The following CYP3A7 variants were observed in gnomAD, a reference collection of about 807,000 sequenced individuals.
The protein encoded by CYP3A7 is cytochrome P450 family 3 subfamily A member 7, also known as cytochrome P450 3A7.
In CYP3A7, 45 loss-of-function variants were observed where a neutral mutation model predicts 55.2. That is an observed-to-expected ratio of 0.82 (90% CI 0.64 to 1.05). The LOEUF (loss-of-function observed/expected upper bound fraction) is 1.05. Among genes scored for constraint, CYP3A7 ranks in the 50% least tolerant of loss-of-function variants. The pLI, the probability that CYP3A7 is intolerant of heterozygous loss-of-function variation, is 0.00. For synonymous variants in CYP3A7, 180 were observed against 207.4 expected, an observed-to-expected ratio of 0.87 and a Z score of 1.13; for missense variants, 548 against 605.3, an observed-to-expected ratio of 0.91 and a Z score of 0.99.
At chr7:99,717,092 C>T in intron 6 of CYP3A7, 85 bp downstream of exon 6, 2 of 1,578,886 alleles carry the variant, frequency 1.3e-6, no homozygotes, top group South Asian at 1.1e-5. Flanking sequence ...ACTGGAATAA[C>T]CCAACAGCGG....
At chr7:99,721,791 A>G (rs1814209370) in intron 3 of CYP3A7, among the ~76,000 whole-genome samples, 1 of 152,130 alleles carries the variant, frequency 6.6e-6, no homozygotes, top group South Asian at 2.1e-4. Context: ...GTGTGATTAA[A>G]AACCTTGACA....
In CYP3A7 at chr7:99,730,354, C is replaced by T. The variant is rs190058590; in HGVS notation, c.165+705G>A. ...AATATCTGAGGTTAATAGACAACCA[C>T]TATCTCATCTCAGTTACATCCACTC... On this transcript the variant is annotated intron_variant, in intron 2 of 12. Transcript: ENST00000336374. Among the ~76,000 whole-genome samples, 16 of 152,306 alleles carry T rather than the reference C, an allele frequency of 1.1e-4. No individual in the cohort carries two copies. The East Asian group carries it at 3.1e-3, about 29-fold the overall frequency.
At chr7:99,720,556 G>C (rs780443310) in intron 3 of CYP3A7, 144 bp from the exon 4 acceptor site, 2 of 885,392 alleles carry the variant, frequency 2.3e-6, no homozygotes, top group Non-Finnish European at 3.5e-6. Context: ...TAGTTCATTA[G>C]GTATAACTCA....
Position 99,717,243 on chromosome 7 carries a change from T to A in CYP3A7, c.455A>T (p.Tyr152Phe), listed in dbSNP as rs1813993354. 6.2e-7 allele frequency: 1 copy of A among 1,613,902 alleles called. No homozygotes were observed. Among genetic ancestry groups the A allele is most frequent in the Non-Finnish European group, 8.5e-7 (1 of 1,179,836 alleles). ...LKEMVPIIAQ[Y>F]GDVLVRNLRR... is the part of the protein sequence containing the mutation. ...CAGATTTCTCACCAACACATCTCCA[T>A]ACTGGGCAATGATAGGGACCATCTA... Residue 152 changes from tyrosine to phenylalanine, a missense_variant, in exon 6 of 13, where the codon TAT becomes TTT. Physicochemically the swap from Tyr to Phe is conservative, Grantham distance 22. Coordinates refer to ENST00000336374, the MANE Select transcript of CYP3A7 (RefSeq NM_000765.5).
intron 1 of CYP3A7, among the ~76,000 whole-genome samples, chr7:99,731,946 G>A (rs1440164689): frequency 6.6e-6 from 1 of 152,146 alleles, no homozygotes; most frequent in African/African-American, 2.4e-5. Context: ...TAAGAACAAG[G>A]ACATTCCTCC....
At chr7:99,717,312 A>G (rs767931697) in intron 5 of CYP3A7, 47 bp from the exon 6 acceptor site, 45 of 1,613,532 alleles carry the variant, frequency 2.8e-5, no homozygotes, top group Non-Finnish European at 3.7e-5. Flanking sequence ...TGCAGACATA[A>G]GTCCCAGAAG....
chr7:99,719,786 CCA>C (rs912711221), intron 4 of CYP3A7, among the ~76,000 whole-genome samples: 6 of 152,026 alleles, frequency 3.9e-5, no homozygotes, highest in Non-Finnish European at 8.8e-5. Flanking sequence ...ATAGAACTAC[CCA>C]CACACTCAAG....
chr7:99,732,838 G>A (rs1037131150), intron 1 of CYP3A7, among the ~76,000 whole-genome samples: 3 of 152,132 alleles, frequency 2.0e-5, no homozygotes, highest in African/African-American at 7.2e-5. Context: ...TAATGGCCAG[G>A]TACCTTCCTG....
chr7:99,726,767 A>G (rs1022022194), intron 2 of CYP3A7, among the ~76,000 whole-genome samples: 1 of 152,176 alleles, frequency 6.6e-6, no homozygotes, highest in Non-Finnish European at 1.5e-5. Flanking sequence ...AGTCTTTTCA[A>G]CAAGATACCC....
At chr7:99,718,542 T>C (rs941549797) in intron 4 of CYP3A7, among the ~76,000 whole-genome samples, 40 of 152,208 alleles carry the variant, frequency 2.6e-4, no homozygotes, top group Non-Finnish European at 3.7e-4. Flanking sequence ...TTCCTCCATT[T>C]GATAAAGAGA....
chr7:99,733,164 C>G (rs1443378231), intron 1 of CYP3A7, among the ~76,000 whole-genome samples: 1 of 152,222 alleles, frequency 6.6e-6, no homozygotes, highest in East Asian at 1.9e-4. Context: ...TTTTCCCACT[C>G]CTGTTCCTTC....
At chr7:99,731,199 G>A in intron 1 of CYP3A7, 47 bp from the exon 2 acceptor site, 1 of 1,608,170 alleles carries the variant, frequency 6.2e-7, no homozygotes, top group Non-Finnish European at 8.5e-7. Flanking sequence ...TGACTTTATA[G>A]ATATAGGGGC....
Position 99,705,508 on chromosome 7 carries a change from C to T in CYP3A7, c.1504G>A (p.Gly502Arg), listed in dbSNP as rs756119340. 1.9e-6 allele frequency: 3 copies of T among 1,613,538 alleles called. No individual in the cohort carries two copies. The South Asian group carries it at 3.3e-5, about 18-fold the overall frequency. Residue 502 changes from glycine to arginine, a missense_variant, in exon 13 of 13, where the codon GGA (glycine) becomes AGA (arginine). Gly to Arg is a moderately radical substitution (Grantham distance 125). Transcript: ENST00000336374. ...KAESRDETVS[G>R]A The stretch of plus-strand genomic sequence containing the variant: ...AGAAGTCCTTAGGGAAATCAGGCTC[C>T]ACTTACGGTCTCATCCCTTGACTCA...
Position 99,705,596 on chromosome 7 carries a change from C to T in CYP3A7, c.1417-1G>A. ...CTCCAAAGCGTAATTTCAGGGGGAT[C>T]TGCAACAGTTAAACGAGCATATTGA... On this transcript the variant is annotated splice_acceptor_variant, in intron 12 of 12. Transcript: ENST00000336374. LOFTEE classifies it high-confidence loss of function. The T allele has an allele frequency of 1.2e-6, 2 of 1,613,182 alleles. No homozygotes were observed. Among genetic ancestry groups the T allele is most frequent in the South Asian group, 2.2e-5 (2 of 91,058 alleles).
At chr7:99,733,423 A>C (rs778721802) in intron 1 of CYP3A7, among the ~76,000 whole-genome samples, 5 of 152,178 alleles carry the variant, frequency 3.3e-5, no homozygotes, top group Non-Finnish European at 4.4e-5. Context: ...GCTTTTTGTT[A>C]CAATGAAGAG....
intron 3 of CYP3A7, 71 bp from the exon 4 acceptor site, chr7:99,720,483 C>T: frequency 6.4e-7 from 1 of 1,557,292 alleles, no homozygotes; most frequent in South Asian, 1.1e-5. Context: ...ACCCAGGAAG[C>T]CAGACTTTGA....
At chr7:99,729,067 A>G (rs751163396) in intron 2 of CYP3A7, among the ~76,000 whole-genome samples, 26 of 152,208 alleles carry the variant, frequency 1.7e-4, no homozygotes, top group Non-Finnish European at 3.5e-4. Context: ...GATAAAGACC[A>G]AAAACTCACC....
At chr7:99,716,275 T>C (rs1418104408) in intron 6 of CYP3A7, among the ~76,000 whole-genome samples, 1 of 152,136 alleles carries the variant, frequency 6.6e-6, no homozygotes, top group Non-Finnish European at 1.5e-5. Context: ...AAAAATTCAC[T>C]CTTTCTAAGG....
chr7:99,722,565 G>A (rs1417633959), intron 2 of CYP3A7, among the ~76,000 whole-genome samples: 2 of 152,090 alleles, frequency 1.3e-5, no homozygotes, highest in Middle Eastern at 3.2e-3. Flanking sequence ...AAGTGTTGTC[G>A]ATACTGAATG....
Sources: gnomAD v4.1 joint callset for allele counts (sites outside exome capture counted in the v4.1 genomes callset) on GRCh38, gnomAD v4.1.1 for gene constraint, MANE v1.5 for transcripts, NCBI Gene and HGNC (gene_info 2026-07-23, HGNC 2026-07-21) for gene names.